RECQL5: variants seen among roughly 807,000 people sequenced by gnomAD.
RECQL5 encodes the protein RecQ like helicase 5.
RECQL5 carries 88 observed loss-of-function variants against 103.4 expected under a neutral mutation model. The ratio of observed to expected loss-of-function variants is 0.85; its 90% confidence interval spans 0.72 to 1.02. The LOEUF (loss-of-function observed/expected upper bound fraction) is 1.02. Among genes scored for constraint, RECQL5 ranks in the 50% least tolerant of loss-of-function variants. RECQL5 has a pLI of 0.00. For missense variants in RECQL5, 1,232 were observed against 1,284.3 expected, an observed-to-expected ratio of 0.96 and a Z score of 0.62; for synonymous variants, 552 against 507.9, an observed-to-expected ratio of 1.09 and a Z score of -1.17.
chr17:75,650,836 A>G, intron 8 of RECQL5: 1 of 1,488,530 alleles, frequency 6.7e-7, no homozygotes, highest in African/African-American at 1.4e-5. Context: ...AAGTGATGCC[A>G]GAAGTCCCAG....
At position 75,639,864 on chromosome 17, in the gene RECQL5, G is replaced by A. The variant is rs2059400436; in HGVS notation, c.1230-8196C>T. 1.3e-5 allele frequency: 3 copies of A among 231,778 alleles called. 1 individual carries two copies. The South Asian group carries it at 2.9e-4, about 22-fold the overall frequency. The allele number at this position is 231,778 out of a possible 1,614,324, so 14.4% of individuals were successfully genotyped here. Reference sequence around the variant, plus strand: ...AAGCACCCAGGCAAAACCCAGTAGTGGTACCTCAAGACAAGGGAATGGAAC... The same window carrying A: ...AAGCACCCAGGCAAAACCCAGTAGTAGTACCTCAAGACAAGGGAATGGAAC... On this transcript the variant is annotated intron_variant, in intron 8 of 19. Coordinates refer to ENST00000317905, the MANE Select transcript of RECQL5 (RefSeq NM_004259.7).
chr17:75,662,479 C>T lies in RECQL5; in HGVS notation c.771G>A (p.Gly257=). 6.2e-7 allele frequency: 1 copy of T among 1,612,344 alleles called. No homozygotes were observed. The highest frequency in any genetic ancestry group is 8.5e-7 in the Non-Finnish European group (1 of 1,178,828). Residue 257 remains glycine, a splice_region_variant and synonymous_variant, in exon 4 of 20, where the codon GGG becomes GGA. Coordinates refer to ENST00000317905, the MANE Select transcript of RECQL5 (RefSeq NM_004259.7). ...LKALGQEADK[G]LSGCGIVYCR... is the part of the protein sequence containing the mutation. ...CTTGGCCTCCACCTCAATGCCTCACCCCTTTATCAGCCTCCTGTCCAAGAG... is the reference window on the plus strand; with the variant it reads ...CTTGGCCTCCACCTCAATGCCTCACTCCTTTATCAGCCTCCTGTCCAAGAG...
At position 75,665,094 on chromosome 17, in the gene RECQL5, T is replaced by C; in HGVS notation, c.209A>G (p.Lys70Arg). The change falls in exon 3 of 20, where the codon AAA (lysine) becomes AGA (arginine). Residue 70 changes from lysine (K) to arginine (R), a missense_variant. Coordinates refer to ENST00000317905, the MANE Select transcript of RECQL5 (RefSeq NM_004259.7). ...LCYQLPALLA[K>R]GITIVVSPLI... The stretch of plus-strand genomic sequence containing the variant: ...AGGAGAGACTACAATGGTGATGCCT[T>C]TGGCCAACAGAGCAGGGAGCTGATA... 6.2e-7 allele frequency: 1 copy of C among 1,612,490 alleles called. No individual in the cohort carries two copies. Among genetic ancestry groups the C allele is most frequent in the Non-Finnish European group, 8.5e-7 (1 of 1,179,438 alleles).
At chr17:75,632,861 C>T (rs2059244041) in intron 8 of RECQL5, among the ~76,000 whole-genome samples, 2 of 152,222 alleles carry the variant, frequency 1.3e-5, no homozygotes. Context: ...GGTGCCACAT[C>T]CCAGGGACAA....
At chr17:75,629,973 G>T in intron 14 of RECQL5, 131 bp from the exon 15 acceptor site, 1 of 1,316,062 alleles carries the variant, frequency 7.6e-7, no homozygotes, top group East Asian at 2.5e-5. Flanking sequence ...CTGACCACTG[G>T]GCAAGTTTTA....
At chr17:75,646,063 C>T (rs1302531782) in intron 8 of RECQL5, among the ~76,000 whole-genome samples, 1 of 152,222 alleles carries the variant, frequency 6.6e-6, no homozygotes, top group Non-Finnish European at 1.5e-5. Context: ...AGCACCAGGG[C>T]ACAGGCTTGA....
intron 7 of RECQL5, among the ~76,000 whole-genome samples, chr17:75,655,948 C>A (rs564897735): frequency 6.6e-6 from 1 of 152,186 alleles, no homozygotes; most frequent in African/African-American, 2.4e-5. Flanking sequence ...TCCCAAAGTG[C>A]TGGGATTACA....
Position 75,640,969 on chromosome 17 carries a change from C to A in RECQL5, c.1230-9301G>T. On this transcript the variant is annotated intron_variant, in intron 8 of 19. Transcript: ENST00000317905. The surrounding 1 kb of genome is among the most constrained non-coding windows in gnomAD (Gnocchi z 4.6). Reference sequence around the variant, plus strand: ...CCATGACACAGGCCATCAGCCTGGCCCTGCAGCCCTTACCCCTCAAGACCA... The same window carrying A: ...CCATGACACAGGCCATCAGCCTGGCACTGCAGCCCTTACCCCTCAAGACCA... 6.6e-7 allele frequency: 1 copy of A among 1,518,434 alleles called. No homozygotes were observed. Among genetic ancestry groups the A allele is most frequent in the African/African-American group, 1.4e-5 (1 of 72,880 alleles). The allele number at this position is 1,518,434 out of a possible 1,614,324, so 94.1% of individuals were successfully genotyped here. A position where few individuals can be genotyped will look rare whatever the true frequency, so the allele number is the denominator to read the frequency against.
At chr17:75,633,683 G>A in intron 8 of RECQL5, 1 of 1,154,476 alleles carries the variant, frequency 8.7e-7, no homozygotes, top group Non-Finnish European at 1.1e-6. Context: ...GGAGTGGCCA[G>A]AGGGACAGAA....
chr17:75,660,932 G>T, intron 6 of RECQL5, 23 bp downstream of exon 6: 1 of 1,541,102 alleles, frequency 6.5e-7, no homozygotes, highest in Non-Finnish European at 9.0e-7. Context: ...GACCAGGAGG[G>T]CAGGGCAAGA....
chr17:75,649,768 T>C (rs2059531856), intron 8 of RECQL5: 6 of 985,470 alleles, frequency 6.1e-6, no homozygotes, highest in Non-Finnish European at 7.2e-6. Flanking sequence ...AATCATCACA[T>C]GTAGCAAAGG....
intron 6 of RECQL5, 106 bp downstream of exon 6, chr17:75,660,849 C>G: frequency 2.4e-6 from 2 of 831,938 alleles, no homozygotes; most frequent in Admixed American, 3.5e-5. Context: ...TCCTTCCCCT[C>G]TAGCCCTCGA....
In RECQL5 at chr17:75,658,384, TC is replaced by T; in HGVS notation, c.1062del (p.Lys355SerfsTer20). The T allele has an allele frequency of 1.9e-6, 3 of 1,614,020 alleles. No individual in the cohort carries two copies. Among genetic ancestry groups the T allele is most frequent in the Non-Finnish European group, 2.5e-6 (3 of 1,179,954 alleles). On this transcript the variant is annotated frameshift_variant, in exon 7 of 20. Transcript: ENST00000317905. LOFTEE classifies it high-confidence loss of function. ...YQESGRAGRD[G>X]KPSWCRLYYS... ...TAATAGAGACGGCACCAGGAAGGCT[TC>T]CCATCCCTGCCAGCCCGGCCAGACT...
At chr17:75,665,575 A>G (rs2059761043) in intron 2 of RECQL5, among the ~76,000 whole-genome samples, 1 of 151,912 alleles carries the variant, frequency 6.6e-6, no homozygotes, top group Non-Finnish European at 1.5e-5. Flanking sequence ...CTGTAATCCC[A>G]GCTACTCAGG....
rs183640895 is a variant in RECQL5, at chr17:75,667,146, T to C, written c.-117A>G. 6.7e-5 allele frequency: 38 copies of C among 564,756 alleles called. No individual in the cohort carries two copies. The highest frequency in any genetic ancestry group is 6.2e-4 in the African/African-American group (33 of 53,090). The allele number at this position is 564,756 out of a possible 1,614,324, so 35.0% of individuals were successfully genotyped here. A position where few individuals can be genotyped will look rare whatever the true frequency, so the allele number is the denominator to read the frequency against. ...CCCCAACTCAGAGAAGCCAAAGCGC[T>C]GGGAATTCAGCTTTAGGCAGAACCC... is the stretch of plus-strand genomic sequence containing the variant. On this transcript the variant is annotated 5_prime_UTR_variant, in exon 1 of 20. Transcript: ENST00000317905.
rs1051549858 is a variant in RECQL5 at position 75,628,429 on chromosome 17, C to T, written c.2594G>A (p.Ser865Asn). The change falls in exon 18 of 20, where the codon AGC becomes AAC. Residue 865 changes from serine (S) to asparagine (N), a missense_variant. By Grantham distance (46) the Ser-to-Asn change is conservative (BLOSUM62 1). Coordinates refer to ENST00000317905, the MANE Select transcript of RECQL5 (RefSeq NM_004259.7). ...RPRSQQENPE[S>N]QPQKRPRPSA... ...GGGGCGTGGCCTCTTCTGAGGCTGG[C>T]TCTCTGGGTTCTCCTGAGAAGGGCC... 1.2e-6 allele frequency: 2 copies of T among 1,613,432 alleles called. No homozygotes were observed. The highest frequency in any genetic ancestry group is 1.7e-6 in the Non-Finnish European group (2 of 1,180,014).
chr17:75,666,712 G>T, intron 1 of RECQL5, 141 bp from the exon 2 acceptor site: 1 of 770,564 alleles, frequency 1.3e-6, no homozygotes, highest in Non-Finnish European at 2.1e-6. Context: ...TAAAGCTGAA[G>T]GTGAACTGCC....
chr17:75,661,063 A>C lies in RECQL5; in HGVS notation c.878T>G (p.Leu293Arg), dbSNP rs1167184373. ...GVNAKAYHAGLKASERTLVQN... is the reference protein window; with the variant it reads ...GVNAKAYHAGRKASERTLVQN... ...CACCAGCGTTCTTTCAGAGGCCTTC[A>C]GCCCTGTAAAGGAGGGGAAGATGGA... Residue 293 changes from leucine (L) to arginine (R), a missense_variant, in exon 6 of 20, where the codon CTG becomes CGG. By Grantham distance (102) the Leu-to-Arg change is moderately radical (BLOSUM62 -2). Coordinates refer to ENST00000317905, the MANE Select transcript of RECQL5 (RefSeq NM_004259.7). 1 of 1,612,596 alleles carries C rather than the reference A, an allele frequency of 6.2e-7. No homozygotes were observed. The highest frequency in any genetic ancestry group is 1.7e-5 in the Admixed American group (1 of 60,026).
At chr17:75,629,901 C>A in intron 14 of RECQL5, 59 bp from the exon 15 acceptor site, 1 of 1,539,068 alleles carries the variant, frequency 6.5e-7, no homozygotes, top group Non-Finnish European at 8.8e-7. Context: ...ACATGCCCCA[C>A]CTAGCCCTCC....
Sources: allele counts gnomAD v4.1 joint callset (sites outside exome capture counted in the v4.1 genomes callset), GRCh38; gene constraint gnomAD v4.1.1; non-coding constraint Gnocchi (gnomAD v3.1); transcripts MANE v1.5; gene names NCBI Gene and HGNC (gene_info 2026-07-23, HGNC 2026-07-21).